The following HHIP variants were observed in gnomAD, a reference collection of about 807,000 sequenced individuals.
HHIP encodes the protein hedgehog-interacting protein.
HHIP carries 12 observed loss-of-function variants against 74.0 expected under a neutral mutation model. The ratio of observed to expected loss-of-function variants is 0.16; its 90% CI spans 0.10 to 0.26. The LOEUF is 0.26. HHIP is among the 10% of genes least tolerant of loss of function. HHIP has a pLI of 1.00. For missense variants in HHIP, 788 were observed against 845.0 expected, an observed-to-expected ratio of 0.93 and a Z score of 0.84; for synonymous variants, 309 against 311.6, an observed-to-expected ratio of 0.99 and a Z score of 0.09.
chr4:144,674,873 G>A lies in HHIP; in HGVS notation c.831+15035G>A, dbSNP rs78730189. ...GTTGTCAGTAAATTACTTTTATGAT[G>A]TGCCCTAGGGAAGTAGGTCTGCTAG... On this transcript the variant is annotated intron_variant, in intron 4 of 12. Coordinates refer to ENST00000296575, the MANE Select transcript of HHIP (RefSeq NM_022475.3). Among the ~76,000 whole-genome samples the A allele has an allele frequency of 4.4e-3, 667 of 152,264 alleles. 4 individuals are homozygous for A. Among genetic ancestry groups the A allele is most frequent in the African/African-American group, 0.016 (648 of 41,548 alleles).
At chr4:144,655,717 G>T (rs559333053) in intron 2 of HHIP, among the ~76,000 whole-genome samples, 6 of 149,760 alleles carry the variant, frequency 4.0e-5, no homozygotes, top group Admixed American at 1.3e-4. Flanking sequence ...ATCAGAATAT[G>T]TTCATGAGTA....
Position 144,683,839 on chromosome 4 carries a change from A to G in HHIP, c.832-22692A>G, listed in dbSNP as rs181300186. Among the ~76,000 whole-genome samples the G allele has an allele frequency of 9.7e-3, 1,478 of 152,216 alleles. 105 individuals are homozygous for G. The highest frequency in any genetic ancestry group is 0.086 in the Admixed American group (1,320 of 15,262). ...TTAATATTATATCTGGCTCTTTAAG[A>G]AAAACGTTTGCTGGCCCGCGATTTG... On this transcript the variant is annotated intron_variant, in intron 4 of 12. Transcript: ENST00000296575.
intron 4 of HHIP, among the ~76,000 whole-genome samples, chr4:144,703,310 T>C (rs1730042928): frequency 6.6e-6 from 1 of 152,098 alleles, no homozygotes; most frequent in Admixed American, 6.5e-5. Context: ...TATTAATATG[T>C]TTTTCTCCCT....
rs767933885 is a variant in HHIP at position 144,646,860 on chromosome 4, T to G, written c.185T>G (p.Leu62Arg). Residue 62 changes from leucine (L) to arginine (R), a missense_variant, in exon 1 of 13, where the codon CTG (leucine) becomes CGG (arginine). Leu to Arg is a moderately radical substitution (Grantham distance 102). Transcript: ENST00000296575. ...DRRMMSQLEL[L>R]SGGEMLCGGF... ...AGGATGATGTCCCAGCTGGAGCTGCTGAGTGGGGGAGAGATGCTGTGCGGT... is the reference window on the plus strand; with the variant it reads ...AGGATGATGTCCCAGCTGGAGCTGCGGAGTGGGGGAGAGATGCTGTGCGGT... 6 of 1,614,192 alleles carry G rather than the reference T, an allele frequency of 3.7e-6. No homozygotes were observed. In the South Asian group the frequency reaches 6.6e-5, roughly 18 times the overall value.
chr4:144,717,239 G>T (rs989814945), intron 10 of HHIP, among the ~76,000 whole-genome samples: 3 of 152,126 alleles, frequency 2.0e-5, no homozygotes, highest in African/African-American at 7.2e-5. Flanking sequence ...TGAAATAAAA[G>T]TATTGAGAGT....
intron 4 of HHIP, among the ~76,000 whole-genome samples, chr4:144,688,974 G>A (rs543233358): frequency 2.6e-5 from 4 of 152,246 alleles, no homozygotes; most frequent in South Asian, 2.1e-4. Flanking sequence ...CATTTACAGC[G>A]TGTTCTAGAC....
At position 144,706,549 on chromosome 4, in the gene HHIP, C is replaced by G; in HGVS notation, c.850C>G (p.Leu284Val). The G allele has an allele frequency of 1.9e-6, 3 of 1,611,150 alleles. No homozygotes were observed. Among genetic ancestry groups the G allele is most frequent in the Non-Finnish European group, 2.5e-6 (3 of 1,178,690 alleles). ...ACTGCAGGGAGGAGATGAAAGAGGA[C>G]TGCTAAGCCTCGCATTCCATCCCAA... ...SGIKGGDERG[L>V]LSLAFHPNYK... Residue 284 changes from leucine to valine, a missense_variant, in exon 5 of 13, where the codon CTG becomes GTG. By Grantham distance (32) the Leu-to-Val change is conservative. Coordinates refer to ENST00000296575, the MANE Select transcript of HHIP (RefSeq NM_022475.3).
chr4:144,653,416 G>A (rs1728476996), intron 2 of HHIP, among the ~76,000 whole-genome samples: 1 of 152,224 alleles, frequency 6.6e-6, no homozygotes, highest in East Asian at 1.9e-4. Context: ...GAAGGTGATA[G>A]GAGAGATATG....
At chr4:144,668,619 G>T (rs1728944073) in intron 4 of HHIP, among the ~76,000 whole-genome samples, 1 of 151,946 alleles carries the variant, frequency 6.6e-6, no homozygotes, top group South Asian at 2.1e-4. Context: ...GGGTGTGGGG[G>T]TGCACACCTG....
At chr4:144,687,751 C>CTTTT (rs5862719) in intron 4 of HHIP, among the ~76,000 whole-genome samples, 10 of 73,442 alleles carry the variant, frequency 1.4e-4, no homozygotes, top group African/African-American at 2.2e-4. Flanking sequence ...CTTTTGGCAA[C>CTTTT]TTTTTTTTTT....
intron 11 of HHIP, among the ~76,000 whole-genome samples, chr4:144,721,687 G>A (rs1208077918): frequency 6.6e-6 from 1 of 151,672 alleles, no homozygotes; most frequent in Non-Finnish European, 1.5e-5. Flanking sequence ...GATCACCTGA[G>A]GTCAGGAGTT....
At chr4:144,721,561 T>A (rs1208387465) in intron 11 of HHIP, among the ~76,000 whole-genome samples, 346 of 79,656 alleles carry the variant, frequency 4.3e-3, no homozygotes, top group African/African-American at 0.014. Context: ...TGAAAAAAAA[T>A]AGAAAATGCC....
At chr4:144,688,390 GTC>G (rs1165545350) in intron 4 of HHIP, among the ~76,000 whole-genome samples, 1 of 151,994 alleles carries the variant, frequency 6.6e-6, no homozygotes, top group African/African-American at 2.4e-5. Context: ...TAATTGGAGA[GTC>G]TTTTTTTTTT....
At chr4:144,733,436 T>C (rs536149831) in intron 11 of HHIP, among the ~76,000 whole-genome samples, 1 of 152,194 alleles carries the variant, frequency 6.6e-6, no homozygotes, top group South Asian at 2.1e-4. Context: ...GGTTTTTATA[T>C]GGTTTTGAGT....
At chr4:144,680,827 A>G (rs990763258) in intron 4 of HHIP, among the ~76,000 whole-genome samples, 20 of 152,196 alleles carry the variant, frequency 1.3e-4, no homozygotes, top group African/African-American at 3.6e-4. Context: ...TGTGTCCAGG[A>G]TTACTGTCTA....
rs1369887100 is a variant in HHIP, at chr4:144,739,426, A to G, written c.*1469A>G. ...TCTAAATTGTAGAGCAGTATAGATT[A>G]TGCAGCGCCAGCTGACTTTCTAAAC... On this transcript the variant is annotated 3_prime_UTR_variant, in exon 13 of 13. Transcript: ENST00000296575. 1.3e-5 allele frequency: 2 copies of G among 152,256 alleles called. No individual in the cohort carries two copies. Among genetic ancestry groups the G allele is most frequent in the African/African-American group, 4.8e-5 (2 of 41,476 alleles). 9.4% of individuals were successfully genotyped at this position (152,256 alleles called of 1,614,324 possible).
chr4:144,676,269 T>C (rs1157568029), intron 4 of HHIP, among the ~76,000 whole-genome samples: 1 of 152,150 alleles, frequency 6.6e-6, no homozygotes, highest in African/African-American at 2.4e-5. Flanking sequence ...GAGATAATAA[T>C]AGTAAAGCAA....
intron 4 of HHIP, among the ~76,000 whole-genome samples, chr4:144,678,456 T>C (rs1433704517): frequency 1.3e-5 from 2 of 152,152 alleles, no homozygotes; most frequent in African/African-American, 4.8e-5. Context: ...GTTTGTTACA[T>C]AGGTATACAC....
At chr4:144,677,078 GT>G (rs1324823328) in intron 4 of HHIP, among the ~76,000 whole-genome samples, 6 of 152,204 alleles carry the variant, frequency 3.9e-5, no homozygotes, top group Non-Finnish European at 7.3e-5. Flanking sequence ...AGCAAGGACA[GT>G]TATGGCCAGC....
Sources: allele counts gnomAD v4.1 joint callset (sites outside exome capture counted in the v4.1 genomes callset), GRCh38; gene constraint gnomAD v4.1.1; transcripts MANE v1.5; gene names NCBI Gene and HGNC (gene_info 2026-07-23, HGNC 2026-07-21).